Variants in ABR observed in about 807,000 individuals in gnomAD.
ABR encodes active breakpoint cluster region-related protein.
A neutral mutation model predicts 107.2 loss-of-function variants in ABR; 35 were observed. The ratio of observed to expected loss-of-function variants is 0.33; its 90% CI spans 0.25 to 0.43. ABR has a LOEUF of 0.43. Among genes scored for constraint, ABR ranks in the 20% least tolerant of loss-of-function variants. The pLI is 1.00. For missense variants in ABR, 815 were observed against 1,115.2 expected (o/e 0.73, Z 3.83); for synonymous variants, 498 against 462.0 (o/e 1.08, Z -1.00).
intron 16 of ABR, among the ~76,000 whole-genome samples, chr17:1,020,047 T>C (rs2071496507): frequency 6.6e-6 from 1 of 151,720 alleles, no homozygotes; most frequent in South Asian, 2.1e-4. Flanking sequence ...GGTCGACGAC[T>C]GGGCCGTACA....
chr17:1,037,583 AG>A lies in ABR; in HGVS notation c.1791+12466del, dbSNP rs1168293901. ...TGCTTATCTAGAACAAAACTCACCC[AG>A]GGACAGAGTGGGCAGGGCGTGGCCC... On this transcript the variant is annotated intron_variant, in intron 16 of 22. Coordinates refer to ENST00000302538, the MANE Select transcript of ABR (RefSeq NM_021962.5). This position sits in a 1 kb window ranked among gnomAD's most constrained non-coding sequence, Gnocchi z 4.6. Among the ~76,000 whole-genome samples, 5 of 152,198 alleles carry A rather than the reference AG, an allele frequency of 3.3e-5. No homozygotes were observed. The highest frequency in any genetic ancestry group is 1.2e-4 in the African/African-American group (5 of 41,458).
intron 1 of ABR, among the ~76,000 whole-genome samples, chr17:1,136,155 C>G (rs2040053718): frequency 1.3e-5 from 2 of 152,174 alleles, no homozygotes; most frequent in Admixed American, 1.3e-4. Context: ...GAAAGTCCTA[C>G]ATATGTCTTC....
At chr17:1,105,905 G>C (rs549134134) in intron 2 of ABR, among the ~76,000 whole-genome samples, 2 of 152,086 alleles carry the variant, frequency 1.3e-5, no homozygotes, top group Non-Finnish European at 2.9e-5. Context: ...TACCTAAAGG[G>C]TTAATCTGCA....
At chr17:1,129,730 C>G (rs1460879178) in intron 1 of ABR, among the ~76,000 whole-genome samples, 1 of 152,052 alleles carries the variant, frequency 6.6e-6, no homozygotes, top group Non-Finnish European at 1.5e-5. Flanking sequence ...AGGTGGATCA[C>G]GAGGTTAGGA....
At chr17:1,020,577 C>T (rs2071547336) in intron 16 of ABR, among the ~76,000 whole-genome samples, 1 of 152,174 alleles carries the variant, frequency 6.6e-6, no homozygotes, top group South Asian at 2.1e-4. Context: ...GGAGTGAAGA[C>T]CCGAAGGTGA....
chr17:1,116,653 A>C (rs2039001375), intron 2 of ABR, among the ~76,000 whole-genome samples: 1 of 152,186 alleles, frequency 6.6e-6, no homozygotes, highest in Non-Finnish European at 1.5e-5. Context: ...CCAAGGCACT[A>C]GTCTACCTAC....
chr17:1,165,340 C>T (rs1036015867), intron 1 of ABR, among the ~76,000 whole-genome samples: 3 of 152,192 alleles, frequency 2.0e-5, no homozygotes, highest in East Asian at 1.9e-4. Context: ...AGACCTCCTG[C>T]GGGTGGATGG....
chr17:1,034,162 G>A (rs2073006076), intron 16 of ABR, among the ~76,000 whole-genome samples: 1 of 151,844 alleles, frequency 6.6e-6, no homozygotes, highest in Non-Finnish European at 1.5e-5. Context: ...GCAGAGACGA[G>A]GTTTCACCAT....
intron 10 of ABR, among the ~76,000 whole-genome samples, chr17:1,060,942 A>T (rs1029865053): frequency 6.6e-6 from 1 of 152,118 alleles, no homozygotes; most frequent in African/African-American, 2.4e-5. Flanking sequence ...CAGTGAGCCG[A>T]GATTGTGCCA....
chr17:1,188,087 C>T (rs2042350286), upstream of ABR, among the ~76,000 whole-genome samples: 1 of 151,902 alleles, frequency 6.6e-6, no homozygotes, highest in Non-Finnish European at 1.5e-5. Flanking sequence ...TGGTGGCGGG[C>T]ATCTGTAGTC....
At chr17:1,023,124 G>A (rs1423464670) in intron 16 of ABR, among the ~76,000 whole-genome samples, 1 of 148,360 alleles carries the variant, frequency 6.7e-6, no homozygotes, top group Admixed American at 6.7e-5. Flanking sequence ...CCACTACAGC[G>A]CCTCTGCCGG....
At chr17:1,087,301 A>C (rs2036657921) in intron 4 of ABR, among the ~76,000 whole-genome samples, 2 of 151,832 alleles carry the variant, frequency 1.3e-5, no homozygotes, top group African/African-American at 4.8e-5. Context: ...GGACCCAGAG[A>C]GGCTGGGGTG....
rs753496033 is a variant in ABR at position 1,011,735 on chromosome 17, GA to G, written c.2101+110del. 244 of 1,379,788 alleles carry G rather than the reference GA, an allele frequency of 1.8e-4. 1 individual carries two copies. The highest frequency in any genetic ancestry group is 1.1e-3 in the Middle Eastern group (5 of 4,370). 85.5% of individuals were successfully genotyped at this position (1,379,788 alleles called of 1,614,324 possible). On this transcript the variant is annotated intron_variant, in intron 19 of 22. Coordinates refer to ENST00000302538, the MANE Select transcript of ABR (RefSeq NM_021962.5). The surrounding 1 kb of genome is among the most constrained non-coding windows in gnomAD (Gnocchi z 4.8). The stretch of plus-strand genomic sequence containing the variant: ...CACTTGCCACGGGGACTCTGAAGCA[GA>G]GCAAGCCTCCTCTCCAGGGAGGCTC...
chr17:1,174,425 T>C (rs183007948), intron 1 of ABR, among the ~76,000 whole-genome samples: 143 of 152,020 alleles, frequency 9.4e-4, no homozygotes, highest in African/African-American at 3.3e-3. Context: ...ACACAGGCTG[T>C]CAGACCAGTG....
intron 14 of ABR, among the ~76,000 whole-genome samples, chr17:1,054,416 T>C (rs936620655): frequency 1.3e-5 from 2 of 152,024 alleles, no homozygotes; most frequent in African/African-American, 4.8e-5. Flanking sequence ...CAAAACAGCA[T>C]GACAGGTGCC....
At chr17:1,215,319 G>T (rs12939193) in intron 1 of ABR, among the ~76,000 whole-genome samples, 1 of 151,378 alleles carries the variant, frequency 6.6e-6, no homozygotes, top group Non-Finnish European at 1.5e-5. Flanking sequence ...CTGCCATCTC[G>T]GCTCACTGCA....
Position 1,072,724 on chromosome 17 carries a change from G to C in ABR, c.784C>G (p.Pro262Ala). ...DLLKHTPVDH[P>A]DYPLLQDALR... ...GCATCCTGCAGCAGCGGGTAGTCGG[G>C]GTGGTCCACAGGTGTGTGCTTCAGC... The change falls in exon 8 of 23, where the codon CCC (proline) becomes GCC (alanine). Residue 262 changes from proline (P) to alanine (A), a missense_variant. This residue lies in a region of ABR where 385 missense variants were observed against 596.9 expected (regional missense o/e 0.64). Transcript: ENST00000302538. 1.2e-6 allele frequency: 2 copies of C among 1,613,800 alleles called. No homozygotes were observed. The highest frequency in any genetic ancestry group is 1.7e-6 in the Non-Finnish European group (2 of 1,179,908).
Position 1,057,090 on chromosome 17 carries a change from A to C in ABR, c.1394T>G (p.Phe465Cys). 6.2e-7 allele frequency: 1 copy of C among 1,609,966 alleles called. No homozygotes were observed. Among genetic ancestry groups the C allele is most frequent in the Non-Finnish European group, 8.5e-7 (1 of 1,176,890 alleles). ...CTGGAGCTCCACTGAGCTCAGGACA[A>C]AGGCCTGGAGATCTGGAGGGAGAGC... ...QKLQKKDLQA[F>C]VLSSVELQVL... Residue 465 changes from phenylalanine to cysteine, a missense_variant, in exon 13 of 23, where the codon TTT (phenylalanine) becomes TGT (cysteine). By Grantham distance (205) the Phe-to-Cys change is radical. Around this residue, in one of 5 missense-constraint regions of ABR, gnomAD observed 385 missense variants for 596.9 expected, o/e 0.64. Coordinates refer to ENST00000302538, the MANE Select transcript of ABR (RefSeq NM_021962.5).
At chr17:1,038,298 C>T (rs1034985053) in intron 16 of ABR, among the ~76,000 whole-genome samples, 2 of 152,202 alleles carry the variant, frequency 1.3e-5, no homozygotes, top group Non-Finnish European at 2.9e-5. Flanking sequence ...GGGTGGGGGA[C>T]GTGGGGGTCT....
Sources: allele counts gnomAD v4.1 joint callset (sites outside exome capture counted in the v4.1 genomes callset), GRCh38; gene constraint gnomAD v4.1.1; regional missense constraint gnomAD v4.1.1; non-coding constraint Gnocchi (gnomAD v3.1); transcripts MANE v1.5; gene names NCBI Gene and HGNC (gene_info 2026-07-23, HGNC 2026-07-21).